MACO1: variants seen among roughly 807,000 people sequenced by gnomAD.
MACO1 encodes macoilin.
In MACO1, 14 loss-of-function variants were observed where a neutral mutation model predicts 78.7. That is an observed-to-expected ratio of 0.18 (90% CI 0.12 to 0.28). The LOEUF is 0.28. Among genes scored for constraint, MACO1 ranks in the 10% least tolerant of loss-of-function variants. The probability of loss-of-function intolerance (pLI) is 1.00; values close to 1 mark genes in which losing one functional copy is unlikely to be tolerated. For missense variants in MACO1, 501 were observed against 799.0 expected, an observed-to-expected ratio of 0.63 and a Z score of 4.50; for synonymous variants, 288 against 291.6, an observed-to-expected ratio of 0.99 and a Z score of 0.12.
chr1:25,453,062 A>G (rs1474894333), intron 3 of MACO1, among the ~76,000 whole-genome samples: 3 of 142,360 alleles, frequency 2.1e-5, no homozygotes, highest in East Asian at 2.2e-4. Flanking sequence ...CTGAAGTGCA[A>G]TGATGCAATC....
intron 6 of MACO1, among the ~76,000 whole-genome samples, chr1:25,481,722 G>C (rs2043380668): frequency 6.6e-6 from 1 of 152,206 alleles, no homozygotes; most frequent in East Asian, 1.9e-4. Flanking sequence ...TAATTGTTTA[G>C]AGCAGTTCTG....
At chr1:25,476,995 C>T (rs1018066639) in intron 6 of MACO1, among the ~76,000 whole-genome samples, 1 of 152,196 alleles carries the variant, frequency 6.6e-6, no homozygotes, top group Non-Finnish European at 1.5e-5. Context: ...TTTAGAAATA[C>T]AGTCCCAGCT....
intron 6 of MACO1, among the ~76,000 whole-genome samples, chr1:25,471,588 A>G (rs765054203): frequency 2.6e-5 from 4 of 152,208 alleles, no homozygotes; most frequent in Non-Finnish European, 4.4e-5. Context: ...GTGCTTGGCT[A>G]GCACAGAGTA....
At chr1:25,483,705 T>C (rs2043401752) in intron 6 of MACO1, among the ~76,000 whole-genome samples, 2 of 152,180 alleles carry the variant, frequency 1.3e-5, no homozygotes, top group South Asian at 2.1e-4. Context: ...TATCAAAATA[T>C]CACAAAGCAT....
intron 1 of MACO1, among the ~76,000 whole-genome samples, chr1:25,440,288 AC>A (rs2042958930): frequency 6.7e-6 from 1 of 150,002 alleles, no homozygotes; most frequent in South Asian, 2.1e-4. Context: ...AGTCCTAATT[AC>A]TCTGGAGGCT....
chr1:25,437,648 C>A (rs556221931), intron 1 of MACO1, among the ~76,000 whole-genome samples: 1 of 151,960 alleles, frequency 6.6e-6, no homozygotes. Flanking sequence ...AATTTTTGGC[C>A]GGGTGTGATG....
At chr1:25,431,623 C>CG (rs948109915) in intron 1 of MACO1, among the ~76,000 whole-genome samples, 12 of 151,796 alleles carry the variant, frequency 7.9e-5, no homozygotes, top group Admixed American at 1.3e-4. Flanking sequence ...GACCACAGCG[C>CG]GGGGGGGTGG....
chr1:25,462,247 C>A (rs1245354765), intron 6 of MACO1, among the ~76,000 whole-genome samples: 1 of 152,132 alleles, frequency 6.6e-6, no homozygotes, highest in East Asian at 1.9e-4. Context: ...TTCAGGCCAA[C>A]AAACTTCCCC....
chr1:25,493,396 A>G (rs990404982), intron 10 of MACO1, among the ~76,000 whole-genome samples: 5 of 150,470 alleles, frequency 3.3e-5, no homozygotes, highest in African/African-American at 1.2e-4. Context: ...ATGTGCCACC[A>G]TGCCCAGCTA....
intron 5 of MACO1, 35 bp from the exon 6 acceptor site, chr1:25,458,356 G>A: frequency 6.5e-7 from 1 of 1,537,394 alleles, no homozygotes; most frequent in South Asian, 1.3e-5. Flanking sequence ...TCCGGTGGGG[G>A]CTTTTTGTTT....
At chr1:25,476,345 G>T (rs997802013) in intron 6 of MACO1, among the ~76,000 whole-genome samples, 1 of 152,204 alleles carries the variant, frequency 6.6e-6, no homozygotes, top group Non-Finnish European at 1.5e-5. Flanking sequence ...TAGTAATCAG[G>T]TCATCAAGCT....
chr1:25,461,767 A>AT (rs1343820154), intron 6 of MACO1, among the ~76,000 whole-genome samples: 3 of 152,188 alleles, frequency 2.0e-5, no homozygotes, highest in African/African-American at 7.2e-5. Flanking sequence ...ATGAAAAACA[A>AT]TTTTTTCTAA....
chr1:25,445,761 G>A (rs557210475), intron 1 of MACO1, among the ~76,000 whole-genome samples: 3 of 151,866 alleles, frequency 2.0e-5, no homozygotes, highest in Non-Finnish European at 4.4e-5. Context: ...ACAAAATACC[G>A]TGCAAGGCTT....
chr1:25,469,355 G>A (rs1395467790), intron 6 of MACO1, among the ~76,000 whole-genome samples: 1 of 152,202 alleles, frequency 6.6e-6, no homozygotes, highest in East Asian at 1.9e-4. Context: ...AAGTTGGTGA[G>A]TGAGCAAAGT....
chr1:25,449,037 C>A, intron 3 of MACO1, 103 bp downstream of exon 3: 3 of 1,118,612 alleles, frequency 2.7e-6, no homozygotes, highest in African/African-American at 1.6e-5. Context: ...TTAATGTGGA[C>A]ATTTTAAAGT....
intron 3 of MACO1, among the ~76,000 whole-genome samples, chr1:25,449,618 C>T (rs1403151065): frequency 6.6e-6 from 1 of 152,160 alleles, no homozygotes; most frequent in Non-Finnish European, 1.5e-5. Context: ...GATCCTCCCA[C>T]CTCAGCCTCC....
At chr1:25,452,811 C>T (rs1017183332) in intron 3 of MACO1, among the ~76,000 whole-genome samples, 35 of 151,436 alleles carry the variant, frequency 2.3e-4, no homozygotes, top group African/African-American at 8.5e-4. Flanking sequence ...ATTCCCTTGC[C>T]TCAGCCTCCC....
chr1:25,497,881 C>T (rs1038104649), intron 10 of MACO1, among the ~76,000 whole-genome samples: 1 of 152,190 alleles, frequency 6.6e-6, no homozygotes, highest in African/African-American at 2.4e-5. Flanking sequence ...AAACGTGGTT[C>T]CTGGAAACTG....
At chr1:25,487,708 A>G (rs985921378) in intron 8 of MACO1, among the ~76,000 whole-genome samples, 1 of 152,154 alleles carries the variant, frequency 6.6e-6, no homozygotes, top group Non-Finnish European at 1.5e-5. Flanking sequence ...AAAAGTCCCA[A>G]TGCGTAGCCC....
Sources: gnomAD v4.1 joint callset for allele counts (sites outside exome capture counted in the v4.1 genomes callset) on GRCh38, gnomAD v4.1.1 for gene constraint, MANE v1.5 for transcripts, NCBI Gene and HGNC (gene_info 2026-07-23, HGNC 2026-07-21) for gene names.